PPM1A: variants seen among roughly 807,000 people sequenced by gnomAD.
PPM1A encodes the protein protein phosphatase, Mg2+/Mn2+ dependent 1A, also known as protein phosphatase 1A.
In PPM1A, 7 loss-of-function variants were observed where a neutral mutation model predicts 35.0. The observed-to-expected ratio is 0.20, with a 90% CI of 0.11 to 0.38. The LOEUF (loss-of-function observed/expected upper bound fraction) is 0.38. Ranked by LOEUF, PPM1A falls within the 10% of genes least tolerant of loss-of-function variation. The pLI, the probability that PPM1A is intolerant of heterozygous loss-of-function variation, is 1.00. For synonymous variants in PPM1A, 153 were observed against 167.3 expected, an observed-to-expected ratio of 0.91 and a Z score of 0.66; for missense variants, 239 against 467.8, an observed-to-expected ratio of 0.51 and a Z score of 4.51.
chr14:60,272,422 A>C (rs1485358605), intron 1 of PPM1A, among the ~76,000 whole-genome samples: 1 of 152,124 alleles, frequency 6.6e-6, no homozygotes, highest in Non-Finnish European at 1.5e-5. Flanking sequence ...TAAGACACAC[A>C]GGAGGCTGGT....
At position 60,282,457 on chromosome 14, in the gene PPM1A, T is replaced by G. The variant is rs762794179; in HGVS notation, c.-20-227T>G. ...TTCTGCCTTCTCCCCTTTATCCCAA[T>G]GCTTTAGTTTTTTTCTGCCTTTTTG... On this transcript the variant is annotated intron_variant, in intron 1 of 5. Coordinates refer to ENST00000395076, the MANE Select transcript of PPM1A (RefSeq NM_021003.5). The surrounding 1 kb of genome is among the most constrained non-coding windows in gnomAD (Gnocchi z 5.1). Among the ~76,000 whole-genome samples, 1 of 152,226 alleles carries G rather than the reference T, an allele frequency of 6.6e-6. No individual in the cohort carries two copies. The highest frequency in any genetic ancestry group is 1.5e-5 in the Non-Finnish European group (1 of 68,038).
At chr14:60,247,424 C>T (rs60280931), upstream of PPM1A, among the ~76,000 whole-genome samples, 58,009 of 151,610 alleles carry the variant, frequency 0.38, 12,821 homozygotes, top group African/African-American at 0.62. Context: ...GGTCAGGAAA[C>T]CGAGACCATC....
rs1328182595 is a variant in PPM1A, at chr14:60,283,099, C to T, written c.396C>T (p.Val132=). The T allele has an allele frequency of 6.2e-7, 1 of 1,614,200 alleles. No homozygotes were observed. Among genetic ancestry groups the T allele is most frequent in the South Asian group, 1.1e-5 (1 of 91,080 alleles). Residue 132 remains valine (V), a synonymous_variant, in exon 2 of 6, where the codon GTC becomes GTT. Coordinates refer to ENST00000395076, the MANE Select transcript of PPM1A (RefSeq NM_021003.5). This position sits in a 1 kb window ranked among gnomAD's most constrained non-coding sequence, Gnocchi z 6.3. ...ADRSGSTAVG[V]LISPQHTYFI... ...GAAGTGGGTCAACAGCTGTAGGTGT[C>T]TTAATTTCTCCCCAACATACTTATT...
At chr14:60,257,013 A>G (rs1028469525) in intron 1 of PPM1A, 2 of 152,224 alleles carry the variant, frequency 1.3e-5, no homozygotes, top group African/African-American at 4.8e-5. Context: ...ATATTATCAT[A>G]TGTTAGCTCC....
chr14:60,249,151 C>A (rs1882002873), upstream of PPM1A: 27 of 864,220 alleles, frequency 3.1e-5, no homozygotes, highest in Non-Finnish European at 3.6e-5. The surrounding 1 kb of genome is among the most constrained non-coding windows in gnomAD (Gnocchi z 4.5). Context: ...GCGGAGCCAG[C>A]GGGGCGGGGC....
At position 60,296,920 on chromosome 14, in the gene PPM1A, C is replaced by T. The variant is rs180746359; in HGVS notation, c.*4438C>T. The T allele has an allele frequency of 3.7e-3, 1,017 of 276,372 alleles. 14 individuals are homozygous for T. Among genetic ancestry groups the T allele is most frequent in the African/African-American group, 0.021 (967 of 46,336 alleles). The allele number at this position is 276,372 out of a possible 1,614,324, so 17.1% of individuals were successfully genotyped here. ...ATGTTAAGATAGTGGCTTCTGCTCTCACTGTTTTCCTATTTATATTACTAG... is the reference window on the plus strand; with the variant it reads ...ATGTTAAGATAGTGGCTTCTGCTCTTACTGTTTTCCTATTTATATTACTAG... On this transcript the variant is annotated 3_prime_UTR_variant, in exon 6 of 6. Coordinates refer to ENST00000395076, the MANE Select transcript of PPM1A (RefSeq NM_021003.5). This position sits in a 1 kb window ranked among gnomAD's most constrained non-coding sequence, Gnocchi z 4.4.
upstream of PPM1A, among the ~76,000 whole-genome samples, chr14:60,248,359 C>A (rs1313812304): frequency 6.6e-6 from 1 of 152,264 alleles, no homozygotes; most frequent in Non-Finnish European, 1.5e-5. Flanking sequence ...TCCCCTGGGA[C>A]AGAACCACGT....
chr14:60,256,650 C>T (rs1267610718), intron 1 of PPM1A: 2 of 152,110 alleles, frequency 1.3e-5, no homozygotes, highest in Non-Finnish European at 2.9e-5. Flanking sequence ...GTGCCAGGGA[C>T]TATTACAATA....
chr14:60,263,014 C>A (rs982546045), intron 1 of PPM1A, among the ~76,000 whole-genome samples: 1 of 152,116 alleles, frequency 6.6e-6, no homozygotes, highest in Non-Finnish European at 1.5e-5. Flanking sequence ...ATCAGGAGTT[C>A]AAGACCAGCC....
intron 4 of PPM1A, among the ~76,000 whole-genome samples, chr14:60,290,197 T>C (rs1887486442): frequency 6.6e-6 from 1 of 152,206 alleles, no homozygotes; most frequent in South Asian, 2.1e-4. Context: ...AAAGAACTTT[T>C]TAAACTAAAT....
rs1360124952 is a variant in PPM1A, at chr14:60,289,717, A to G, written c.953-89A>G. The G allele has an allele frequency of 1.2e-6, 1 of 816,924 alleles. No homozygotes were observed. Among genetic ancestry groups the G allele is most frequent in the Non-Finnish European group, 2.0e-6 (1 of 501,242 alleles). The allele number at this position is 816,924 out of a possible 1,614,324, so 50.6% of individuals were successfully genotyped here. Reference sequence around the variant, plus strand: ...AAAAATCTCAGATGTGGTAAATGCCATCTTTAAAAAGCTAGGTTATCTTTG... The same window carrying G: ...AAAAATCTCAGATGTGGTAAATGCCGTCTTTAAAAAGCTAGGTTATCTTTG... On this transcript the variant is annotated intron_variant, in intron 3 of 5. Coordinates refer to ENST00000395076, the MANE Select transcript of PPM1A (RefSeq NM_021003.5). The surrounding 1 kb of genome is among the most constrained non-coding windows in gnomAD (Gnocchi z 4.1).
intron 1 of PPM1A, chr14:60,277,133 C>T: frequency 8.1e-6 from 7 of 858,956 alleles, no homozygotes; most frequent in Non-Finnish European, 1.1e-5. Context: ...TAAAAACTTT[C>T]ATGGACAAAT....
At chr14:60,248,124 T>C (rs560247668), upstream of PPM1A, among the ~76,000 whole-genome samples, 4 of 152,312 alleles carry the variant, frequency 2.6e-5, no homozygotes, top group Admixed American at 6.5e-5. Context: ...TAGGCTGCGA[T>C]TCATTGGCTG....
chr14:60,267,569 G>A (rs1884543190), intron 1 of PPM1A, among the ~76,000 whole-genome samples: 1 of 151,952 alleles, frequency 6.6e-6, no homozygotes, highest in African/African-American at 2.4e-5. Flanking sequence ...TGATAGGTTT[G>A]TAAAAAGAAT....
intron 1 of PPM1A, chr14:60,250,455 TAC>T (rs1345704179): frequency 2.4e-5 from 24 of 983,152 alleles, no homozygotes; most frequent in Non-Finnish European, 2.9e-5. Context: ...CAGTTTTAGA[TAC>T]GTTTTGAAAA....
At chr14:60,264,276 G>T (rs915987762) in intron 1 of PPM1A, among the ~76,000 whole-genome samples, 8 of 152,034 alleles carry the variant, frequency 5.3e-5, no homozygotes, top group African/African-American at 9.7e-5. Flanking sequence ...GGCAAACTTG[G>T]ATCTCTGAGA....
At position 60,289,266 on chromosome 14, in the gene PPM1A, C is replaced by T. The variant is rs10130695; in HGVS notation, c.953-540C>T. ...AGAATTAAACTGAGACAGTGATGTT[C>T]AAGTACATAATCTGTGCATGCTATT... On this transcript the variant is annotated intron_variant, in intron 3 of 5. Transcript: ENST00000395076. The surrounding 1 kb of genome is among the most constrained non-coding windows in gnomAD (Gnocchi z 4.1). 0.071 allele frequency among the ~76,000 whole-genome samples: 10,820 copies of T among 151,974 alleles called. 620 individuals are homozygous for T. Among genetic ancestry groups the T allele is most frequent in the African/African-American group, 0.17 (6,869 of 41,448 alleles).
intron 3 of PPM1A, 75 bp downstream of exon 3, chr14:60,285,816 C>T (rs375519822): frequency 6.4e-7 from 1 of 1,566,072 alleles, no homozygotes. Context: ...AACATTTTAG[C>T]TTTTAGATTT....
chr14:60,245,853 C>G, upstream of PPM1A: 1 of 1,588,794 alleles, frequency 6.3e-7, no homozygotes, highest in Non-Finnish European at 8.6e-7. The surrounding 1 kb of genome is among the most constrained non-coding windows in gnomAD (Gnocchi z 4.2). Flanking sequence ...CTCGCATGTT[C>G]TGTTCTGGGA....
Sources: allele counts gnomAD v4.1 joint callset (sites outside exome capture counted in the v4.1 genomes callset), GRCh38; gene constraint gnomAD v4.1.1; non-coding constraint Gnocchi (gnomAD v3.1); transcripts MANE v1.5; gene names NCBI Gene and HGNC (gene_info 2026-07-23, HGNC 2026-07-21).